The following ANO10 variants were observed in gnomAD, a reference collection of about 807,000 sequenced individuals.
ANO10 encodes the protein anoctamin 10.
A neutral mutation model predicts 74.7 loss-of-function variants in ANO10; 77 were observed. The ratio of observed to expected loss-of-function variants is 1.03; its 90% confidence interval spans 0.86 to 1.25. The LOEUF (loss-of-function observed/expected upper bound fraction) is 1.25, where lower values mean the gene tolerates loss of function less well. Ranked by LOEUF, ANO10 falls within the 50% of genes most tolerant of loss-of-function variation. The pLI is 0.00. For synonymous variants in ANO10, 279 were observed against 284.9 expected, an observed-to-expected ratio of 0.98 and a Z score of 0.21; for missense variants, 721 against 778.1, an observed-to-expected ratio of 0.93 and a Z score of 0.87.
intron 1 of ANO10, among the ~76,000 whole-genome samples, chr3:43,632,666 T>C (rs897388655): frequency 6.6e-6 from 1 of 152,274 alleles, no homozygotes; most frequent in African/African-American, 2.4e-5. Context: ...GCATTGGACA[T>C]GTTTTGCTGC....
chr3:43,573,172 T>C (rs2080823725), intron 7 of ANO10, among the ~76,000 whole-genome samples: 1 of 152,202 alleles, frequency 6.6e-6, no homozygotes, highest in African/African-American at 2.4e-5. Flanking sequence ...CATATTCCTT[T>C]ACTTTCTTAC....
At chr3:43,436,000 A>C (rs1024936792) in intron 11 of ANO10, among the ~76,000 whole-genome samples, 1 of 152,204 alleles carries the variant, frequency 6.6e-6, no homozygotes, top group African/African-American at 2.4e-5. Flanking sequence ...TGGTCAGGAA[A>C]GGATATATTA....
chr3:43,484,876 T>G, intron 11 of ANO10: 1 of 596,794 alleles, frequency 1.7e-6, no homozygotes, highest in South Asian at 2.1e-5. Context: ...CCAACAGGCA[T>G]GACCAATTGT....
chr3:43,588,140 C>T (rs1304556929), intron 4 of ANO10, among the ~76,000 whole-genome samples: 1 of 152,052 alleles, frequency 6.6e-6, no homozygotes, highest in African/African-American at 2.4e-5. Flanking sequence ...AAAAAGAAAA[C>T]AGAAAATCTT....
intron 11 of ANO10, among the ~76,000 whole-genome samples, chr3:43,458,270 C>G (rs911159901): frequency 3.2e-4 from 48 of 152,076 alleles, no homozygotes; most frequent in Admixed American, 3.0e-3. Context: ...GCAATAAGAT[C>G]CTTATAGCAC....
At chr3:43,652,053 C>G (rs2083793578) in intron 1 of ANO10, among the ~76,000 whole-genome samples, 1 of 150,808 alleles carries the variant, frequency 6.6e-6, no homozygotes, top group South Asian at 2.1e-4. Flanking sequence ...TTAATATTGT[C>G]AAGATGGCAA....
intron 1 of ANO10, among the ~76,000 whole-genome samples, chr3:43,651,942 C>T (rs1327002375): frequency 4.6e-5 from 7 of 151,988 alleles, no homozygotes; most frequent in East Asian, 1.9e-4. Context: ...GGTTGGGGGC[C>T]GGGAGTAATA....
chr3:43,523,208 G>C (rs889879439), intron 11 of ANO10, among the ~76,000 whole-genome samples: 9 of 152,194 alleles, frequency 5.9e-5, no homozygotes, highest in African/African-American at 2.2e-4. Flanking sequence ...AAACAGCACA[G>C]CCTACAATAC....
chr3:43,602,587 T>G (rs1415715464), intron 2 of ANO10, among the ~76,000 whole-genome samples: 2 of 152,184 alleles, frequency 1.3e-5, no homozygotes, highest in African/African-American at 4.8e-5. Flanking sequence ...CCGCCCGCCT[T>G]GGCCTCCCAA....
At chr3:43,659,306 G>C (rs931016304) in intron 1 of ANO10, among the ~76,000 whole-genome samples, 2 of 152,136 alleles carry the variant, frequency 1.3e-5, no homozygotes, top group African/African-American at 4.8e-5. Flanking sequence ...TCCTAGCCAA[G>C]GGAAGCTGTG....
At chr3:43,535,217 G>A (rs2078655917) in intron 11 of ANO10, among the ~76,000 whole-genome samples, 1 of 150,194 alleles carries the variant, frequency 6.7e-6, no homozygotes, top group Non-Finnish European at 1.5e-5. Flanking sequence ...GCCTGCCTTG[G>A]CCTCCCAAAG....
chr3:43,408,160 G>C (rs950008937), intron 12 of ANO10, among the ~76,000 whole-genome samples: 2 of 152,160 alleles, frequency 1.3e-5, no homozygotes, highest in African/African-American at 4.8e-5. Flanking sequence ...TGGTAGTCTA[G>C]ATATCATGTG....
chr3:43,690,975 G>A (rs776046783), intron 1 of ANO10: 3 of 1,570,360 alleles, frequency 1.9e-6, no homozygotes, highest in East Asian at 2.5e-5. Context: ...AAGTCCCGGC[G>A]CTTGCGCGGC....
At chr3:43,443,623 G>A (rs2093194515) in intron 11 of ANO10, among the ~76,000 whole-genome samples, 1 of 151,518 alleles carries the variant, frequency 6.6e-6, no homozygotes, top group African/African-American at 2.4e-5. Context: ...TCAAAACAAT[G>A]AGAGAGGGAG....
chr3:43,484,518 T>C (rs1410632885), intron 11 of ANO10, among the ~76,000 whole-genome samples: 1 of 152,108 alleles, frequency 6.6e-6, no homozygotes, highest in African/African-American at 2.4e-5. Context: ...AAGAAATATA[T>C]TTTTGGGGTA....
At chr3:43,506,274 C>A (rs2077291544) in intron 11 of ANO10, among the ~76,000 whole-genome samples, 1 of 152,132 alleles carries the variant, frequency 6.6e-6, no homozygotes, top group Admixed American at 6.5e-5. Context: ...CCCTCACCTC[C>A]AACGTATTAT....
intron 11 of ANO10, among the ~76,000 whole-genome samples, chr3:43,460,229 G>A (rs1454053269): frequency 6.6e-6 from 1 of 152,172 alleles, no homozygotes; most frequent in Non-Finnish European, 1.5e-5. Context: ...CTTTGGCTAT[G>A]GAAAAAGCCA....
chr3:43,593,514 T>G (rs547072180), intron 4 of ANO10, among the ~76,000 whole-genome samples: 1 of 152,288 alleles, frequency 6.6e-6, no homozygotes, highest in African/African-American at 2.4e-5. Context: ...AAACTAAGCT[T>G]CATAAGTGAA....
chr3:43,575,074 T>C (rs929478015), intron 6 of ANO10, among the ~76,000 whole-genome samples: 6 of 151,654 alleles, frequency 4.0e-5, no homozygotes, highest in Non-Finnish European at 7.4e-5. Context: ...AGCACTGTAG[T>C]CTGAAATTAT....
Sources: gnomAD v4.1 joint callset for allele counts (sites outside exome capture counted in the v4.1 genomes callset) on GRCh38, gnomAD v4.1.1 for gene constraint, MANE v1.5 for transcripts, NCBI Gene and HGNC (gene_info 2026-07-23, HGNC 2026-07-21) for gene names.